CDH11: variants seen among roughly 807,000 people sequenced by gnomAD.
CDH11 encodes cadherin 11.
CDH11 carries 11 observed loss-of-function variants against 67.8 expected under a neutral mutation model. The observed-to-expected ratio is 0.16, with a 90% CI of 0.10 to 0.27. CDH11 has a LOEUF of 0.27. Ranked by LOEUF, CDH11 falls within the 10% of genes least tolerant of loss-of-function variation. The pLI, the probability that CDH11 is intolerant of heterozygous loss-of-function variation, is 1.00. For missense variants in CDH11, 847 were observed against 1,031.2 expected (o/e 0.82, Z 2.45); for synonymous variants, 419 against 400.0 (o/e 1.05, Z -0.57).
At chr16:65,040,750 T>G (rs370769284) in intron 2 of CDH11, among the ~76,000 whole-genome samples, 21 of 152,324 alleles carry the variant, frequency 1.4e-4, no homozygotes, top group African/African-American at 4.8e-4. Flanking sequence ...TGTAGAGTGC[T>G]TGAAAATAAT....
intron 8 of CDH11, among the ~76,000 whole-genome samples, chr16:64,978,299 G>A (rs1053867172): frequency 5.3e-5 from 8 of 152,308 alleles, no homozygotes; most frequent in African/African-American, 1.9e-4. Context: ...AAGGCGCAGT[G>A]ATGATCTATA....
chr16:65,070,430 G>A (rs367851116), intron 1 of CDH11, among the ~76,000 whole-genome samples: 18 of 152,230 alleles, frequency 1.2e-4, no homozygotes, highest in East Asian at 9.7e-4. Context: ...GTAATTGAAC[G>A]TGTGACTTTG....
intron 1 of CDH11, among the ~76,000 whole-genome samples, chr16:65,103,616 C>A (rs1265087242): frequency 1.3e-5 from 2 of 152,168 alleles, no homozygotes; most frequent in Admixed American, 1.3e-4. Context: ...ATATGCCCAA[C>A]AGTGTCTTCC....
rs1238759208 is a variant in CDH11, at chr16:64,944,116, TAAAATAA to T, written c.*3480_*3486del. The T allele has an allele frequency of 4.3e-6, 1 of 232,540 alleles. No individual in the cohort carries two copies. Among genetic ancestry groups the T allele is most frequent in the Admixed American group, 5.6e-5 (1 of 17,746 alleles). The allele number at this position is 232,540 out of a possible 1,614,324, so 14.4% of individuals were successfully genotyped here. On this transcript the variant is annotated 3_prime_UTR_variant, in exon 13 of 13. Transcript: ENST00000268603. ...GCAGGGCCCTGTTCATGTAAAGCAA[TAAAATAA>T]AGGCATCAGAATTCATTTTAAGTCT...
At chr16:65,088,162 A>G (rs895504325) in intron 1 of CDH11, among the ~76,000 whole-genome samples, 1 of 152,186 alleles carries the variant, frequency 6.6e-6, no homozygotes, top group Non-Finnish European at 1.5e-5. Flanking sequence ...CTTCAGCCAC[A>G]TGAAGACACA....
Position 65,091,051 on chromosome 16 carries a change from G to A in CDH11, c.-298+30829C>T, listed in dbSNP as rs114439697. ...CATGCTCTGATATACGCATAAGTGC[G>A]TAAGTATGAGTGTAGTAAGTTGAAG... On this transcript the variant is annotated intron_variant, in intron 1 of 12. Transcript: ENST00000268603. 3.9e-3 allele frequency among the ~76,000 whole-genome samples: 597 copies of A among 152,304 alleles called. 5 individuals are homozygous for A. Among genetic ancestry groups the A allele is most frequent in the African/African-American group, 0.014 (574 of 41,574 alleles).
intron 1 of CDH11, among the ~76,000 whole-genome samples, chr16:65,058,825 C>A (rs915179857): frequency 6.6e-6 from 1 of 152,088 alleles, no homozygotes; most frequent in South Asian, 2.1e-4. Flanking sequence ...GGGATAATAA[C>A]AATTATTTTG....
At chr16:65,084,378 C>G (rs2074661484) in intron 1 of CDH11, among the ~76,000 whole-genome samples, 1 of 151,896 alleles carries the variant, frequency 6.6e-6, no homozygotes, top group Non-Finnish European at 1.5e-5. Context: ...ACTGCTTGAG[C>G]CCAGGAGGTG....
At chr16:65,108,654 T>C (rs1394500580) in intron 1 of CDH11, among the ~76,000 whole-genome samples, 4 of 150,752 alleles carry the variant, frequency 2.7e-5, no homozygotes, top group Non-Finnish European at 4.4e-5. Flanking sequence ...GATTTAAATG[T>C]AGTTTTGCTG....
At chr16:65,052,932 C>T (rs1288637988) in intron 2 of CDH11, among the ~76,000 whole-genome samples, 3 of 152,090 alleles carry the variant, frequency 2.0e-5, no homozygotes, top group Non-Finnish European at 2.9e-5. Context: ...GGTTGAGAGG[C>T]TTAAAGTATT....
upstream of CDH11, chr16:65,122,255 C>G (rs1057072740): frequency 3.7e-5 from 16 of 427,742 alleles, no homozygotes; most frequent in Non-Finnish European, 5.4e-5. Flanking sequence ...GGGCCGACCC[C>G]GTCCGCGCCC....
intron 1 of CDH11, among the ~76,000 whole-genome samples, chr16:65,112,756 G>C (rs886354674): frequency 6.6e-6 from 1 of 152,186 alleles, no homozygotes; most frequent in Non-Finnish European, 1.5e-5. Context: ...AAGTAGGACA[G>C]AGCTTAAGGC....
chr16:64,991,327 A>G (rs1252713662), intron 6 of CDH11: 1 of 158,004 alleles, frequency 6.3e-6, no homozygotes, highest in African/African-American at 2.4e-5. Context: ...AATTCCAGAC[A>G]CATGATAAAA....
intron 1 of CDH11, among the ~76,000 whole-genome samples, chr16:65,064,193 G>C (rs538750268): frequency 3.7e-4 from 57 of 152,280 alleles, no homozygotes; most frequent in African/African-American, 1.3e-3. Context: ...ATGTCCCCCA[G>C]CAAGCCAAGG....
intron 1 of CDH11, among the ~76,000 whole-genome samples, chr16:65,085,668 G>A (rs2142814845): frequency 6.6e-6 from 1 of 152,264 alleles, no homozygotes; most frequent in Admixed American, 6.5e-5. Context: ...GCTTTTTACT[G>A]AAGCTCACTA....
intron 1 of CDH11, among the ~76,000 whole-genome samples, chr16:65,080,691 C>A (rs2074595867): frequency 6.6e-6 from 1 of 152,162 alleles, no homozygotes. Context: ...ATTTCTAATT[C>A]ATTTGCAAGA....
intron 1 of CDH11, among the ~76,000 whole-genome samples, chr16:65,085,140 A>G (rs758207051): frequency 1.3e-5 from 2 of 152,062 alleles, no homozygotes; most frequent in Non-Finnish European, 2.9e-5. Context: ...CGAACTCCTG[A>G]CCTCAGGTTA....
At chr16:64,993,581 C>T (rs2072686361) in intron 4 of CDH11, among the ~76,000 whole-genome samples, 1 of 152,092 alleles carries the variant, frequency 6.6e-6, no homozygotes, top group Non-Finnish European at 1.5e-5. Context: ...ATGCTGTTCC[C>T]TACTGGCATG....
intron 1 of CDH11, among the ~76,000 whole-genome samples, chr16:65,078,625 C>A (rs2074557102): frequency 6.6e-6 from 1 of 152,144 alleles, no homozygotes; most frequent in African/African-American, 2.4e-5. Flanking sequence ...ATAAAGAATT[C>A]TAGTCTAATA....
Sources: gnomAD v4.1 joint callset for allele counts (sites outside exome capture counted in the v4.1 genomes callset) on GRCh38, gnomAD v4.1.1 for gene constraint, MANE v1.5 for transcripts, NCBI Gene and HGNC (gene_info 2026-07-23, HGNC 2026-07-21) for gene names.